The following FAT3 variants were observed in gnomAD, a reference collection of about 807,000 sequenced individuals.
FAT3 encodes FAT atypical cadherin 3.
Under a neutral mutation model 310.2 loss-of-function variants are expected in FAT3, and 95 were observed. The observed-to-expected ratio is 0.31, with a 90% CI of 0.26 to 0.36. FAT3 has a LOEUF of 0.36. FAT3 is among the 10% of genes least tolerant of loss of function. The pLI is 1.00. For synonymous variants in FAT3, 2,314 were observed against 2,192.9 expected (o/e 1.06, Z -1.54); for missense variants, 5,408 against 5,715.6 (o/e 0.95, Z 1.74).
At chr11:92,785,454 A>T (rs1946864668) in intron 7 of FAT3, among the ~76,000 whole-genome samples, 1 of 152,128 alleles carries the variant, frequency 6.6e-6, no homozygotes, top group South Asian at 2.1e-4. Flanking sequence ...GTTTGCATGT[A>T]ATATAATTAT....
At chr11:92,433,975 C>T (rs558999463) in intron 2 of FAT3, among the ~76,000 whole-genome samples, 5 of 149,912 alleles carry the variant, frequency 3.3e-5, no homozygotes, top group Non-Finnish European at 5.9e-5. Flanking sequence ...GAGATTGCGC[C>T]ACTGCACTCC....
intron 1 of FAT3, among the ~76,000 whole-genome samples, chr11:92,301,148 T>A (rs368976219): frequency 1.4e-4 from 22 of 152,254 alleles, no homozygotes; most frequent in African/African-American, 5.3e-4. Flanking sequence ...CTCAGCTGTT[T>A]GTCTTCATCT....
intron 1 of FAT3, among the ~76,000 whole-genome samples, chr11:92,280,379 A>T (rs1946390357): frequency 6.6e-6 from 1 of 152,332 alleles, no homozygotes; most frequent in East Asian, 1.9e-4. Context: ...TTAATTGAAA[A>T]GGTGTACTTT....
intron 1 of FAT3, among the ~76,000 whole-genome samples, chr11:92,301,435 T>C (rs1247489784): frequency 6.6e-6 from 1 of 152,090 alleles, no homozygotes; most frequent in Non-Finnish European, 1.5e-5. Flanking sequence ...CTCTGTAGGA[T>C]CTGCTGCCCC....
At chr11:92,251,876 G>T (rs10501776) in intron 1 of FAT3, among the ~76,000 whole-genome samples, 11,071 of 152,118 alleles carry the variant, frequency 0.073, 673 homozygotes, top group African/African-American at 0.17. Flanking sequence ...ATCCATTATT[G>T]TAAGTTACCG....
chr11:92,506,501 C>T (rs748693280), intron 2 of FAT3, among the ~76,000 whole-genome samples: 1 of 152,146 alleles, frequency 6.6e-6, no homozygotes, highest in Non-Finnish European at 1.5e-5. Context: ...CTATAACTAG[C>T]ATCAGAATCC....
intron 2 of FAT3, among the ~76,000 whole-genome samples, chr11:92,516,334 A>T (rs1419552513): frequency 6.6e-6 from 1 of 152,204 alleles, no homozygotes. Context: ...CTGGTTCAAC[A>T]TATGCAAATC....
intron 3 of FAT3, among the ~76,000 whole-genome samples, chr11:92,609,377 A>G (rs1021085024): frequency 5.3e-5 from 8 of 152,312 alleles, no homozygotes; most frequent in East Asian, 1.9e-4. Context: ...GCAAGTGGCT[A>G]TATCTAATTT....
intron 1 of FAT3, among the ~76,000 whole-genome samples, chr11:92,321,054 A>T (rs921642959): frequency 6.6e-6 from 1 of 152,174 alleles, no homozygotes; most frequent in East Asian, 1.9e-4. Flanking sequence ...GAGATAGGAA[A>T]TTGTATAATT....
At chr11:92,592,797 A>G (rs1029377609) in intron 3 of FAT3, among the ~76,000 whole-genome samples, 4 of 152,094 alleles carry the variant, frequency 2.6e-5, no homozygotes, top group Admixed American at 1.3e-4. Context: ...TTTTATTTCT[A>G]TTGACTTTAT....
At chr11:92,816,205 C>T (rs1255113612) in intron 13 of FAT3, among the ~76,000 whole-genome samples, 1 of 152,166 alleles carries the variant, frequency 6.6e-6, no homozygotes, top group Non-Finnish European at 1.5e-5. Context: ...CCAGGACAGG[C>T]TTGGCAAGAC....
In FAT3 at chr11:92,655,462, C is replaced by A. The variant is rs1263887626; in HGVS notation, c.3608-41922C>A. Among the ~76,000 whole-genome samples the A allele has an allele frequency of 4.6e-5, 7 of 152,180 alleles. No individual in the cohort carries two copies. In the East Asian group the frequency reaches 1.3e-3, roughly 29 times the overall value. On this transcript the variant is annotated intron_variant, in intron 3 of 27. Coordinates refer to ENST00000525166, the MANE Select transcript of FAT3 (RefSeq NM_001367949.2). ...AATTCCTCTACATTTGTTTCTTCATCTATAAATTGGTTTTGTTGGCAGGAC... is the reference window on the plus strand; with the variant it reads ...AATTCCTCTACATTTGTTTCTTCATATATAAATTGGTTTTGTTGGCAGGAC...
intron 1 of FAT3, among the ~76,000 whole-genome samples, chr11:92,270,289 T>C (rs569444784): frequency 3.5e-4 from 53 of 152,196 alleles, no homozygotes; most frequent in Non-Finnish European, 8.8e-5. Flanking sequence ...CCTCTAAATA[T>C]TGAGAATGTT....
chr11:92,397,938 C>A (rs80275235), intron 2 of FAT3, among the ~76,000 whole-genome samples: 3,594 of 152,154 alleles, frequency 0.024, 65 homozygotes, highest in Non-Finnish European at 0.038. Flanking sequence ...TACATACATA[C>A]TCATGTACAC....
At chr11:92,373,949 T>G (rs1028380327) in intron 2 of FAT3, among the ~76,000 whole-genome samples, 1 of 151,140 alleles carries the variant, frequency 6.6e-6, no homozygotes, top group Non-Finnish European at 1.5e-5. Context: ...ATGGGTCAAT[T>G]CAAGTTCAAA....
intron 2 of FAT3, among the ~76,000 whole-genome samples, chr11:92,437,612 G>C (rs1368882823): frequency 6.6e-6 from 1 of 152,106 alleles, no homozygotes; most frequent in African/African-American, 2.4e-5. Flanking sequence ...TCTGAGCTAG[G>C]CTTCAAAAAA....
intron 11 of FAT3, 54 bp from the exon 12 acceptor site, chr11:92,806,308 C>T (rs937870567): frequency 4.3e-5 from 62 of 1,439,354 alleles, no homozygotes; most frequent in Non-Finnish European, 5.8e-5. Flanking sequence ...CTAAATATGG[C>T]AATTGCCCCC....
chr11:92,476,078 T>G (rs1952044714), intron 2 of FAT3, among the ~76,000 whole-genome samples: 1 of 151,970 alleles, frequency 6.6e-6, no homozygotes, highest in South Asian at 2.1e-4. Flanking sequence ...TGTGTGTGTG[T>G]GTGCGTGTGT....
At chr11:92,555,336 A>G (rs984338016) in intron 3 of FAT3, among the ~76,000 whole-genome samples, 1 of 152,226 alleles carries the variant, frequency 6.6e-6, no homozygotes, top group Admixed American at 6.5e-5. Flanking sequence ...GGTTAGTAGT[A>G]ATATTATGTA....
Sources: gnomAD v4.1 joint callset for allele counts (sites outside exome capture counted in the v4.1 genomes callset) on GRCh38, gnomAD v4.1.1 for gene constraint, MANE v1.5 for transcripts, NCBI Gene and HGNC (gene_info 2026-07-23, HGNC 2026-07-21) for gene names.